The following SLC9A2 variants were observed in gnomAD, a reference collection of about 807,000 sequenced individuals.
SLC9A2 encodes the protein solute carrier family 9 member A2, also known as sodium/hydrogen exchanger 2.
SLC9A2 carries 42 observed loss-of-function variants against 71.7 expected under a neutral mutation model. The observed-to-expected ratio is 0.59, with a 90% CI of 0.46 to 0.76. The LOEUF (loss-of-function observed/expected upper bound fraction) is 0.76. Among genes scored for constraint, SLC9A2 ranks in the 30% least tolerant of loss-of-function variants. SLC9A2 has a pLI of 0.00. For missense variants in SLC9A2, 829 were observed against 1,017.4 expected, an observed-to-expected ratio of 0.81 and a Z score of 2.52; for synonymous variants, 396 against 392.5, an observed-to-expected ratio of 1.01 and a Z score of -0.10.
At position 102,654,697 on chromosome 2, in the gene SLC9A2, C is replaced by T. The variant is rs577903368; in HGVS notation, c.290-2867C>T. On this transcript the variant is annotated intron_variant, in intron 1 of 11. Coordinates refer to ENST00000233969, the MANE Select transcript of SLC9A2 (RefSeq NM_003048.6). The stretch of plus-strand genomic sequence containing the variant: ...AACAAAGGGGATACGTTCTGCAAAA[C>T]GCATCATTAGGCGATTTTGTCATTG... Among the ~76,000 whole-genome samples, 160 of 152,230 alleles carry T rather than the reference C, an allele frequency of 1.1e-3. 1 individual carries two copies. The highest frequency in any genetic ancestry group is 3.3e-3 in the African/African-American group (135 of 41,520).
intron 3 of SLC9A2, among the ~76,000 whole-genome samples, chr2:102,678,493 A>G (rs977141671): frequency 6.6e-6 from 1 of 152,206 alleles, no homozygotes; most frequent in Admixed American, 6.5e-5. Context: ...TCTATAATAT[A>G]AAGAATCTAT....
At chr2:102,652,700 C>T (rs1227540402) in intron 1 of SLC9A2, among the ~76,000 whole-genome samples, 3 of 152,136 alleles carry the variant, frequency 2.0e-5, no homozygotes, top group African/African-American at 7.2e-5. Context: ...TCTTGGCCAA[C>T]CACTGGACTA....
At position 102,620,014 on chromosome 2, in the gene SLC9A2, G is replaced by A; in HGVS notation, c.166G>A (p.Val56Met). 6.2e-7 allele frequency: 1 copy of A among 1,614,136 alleles called. No homozygotes were observed. Among genetic ancestry groups the A allele is most frequent in the Non-Finnish European group, 8.5e-7 (1 of 1,180,024 alleles). Residue 56 changes from valine to methionine, a missense_variant, in exon 1 of 12, where the codon GTG becomes ATG. Around this residue, in one of 3 missense-constraint regions of SLC9A2, gnomAD observed 106 missense variants for 93.5 expected, o/e 1.13. Transcript: ENST00000233969. ...SSSPPSPASVVAPGTTLFEES... is the reference protein window; with the variant it reads ...SSSPPSPASVMAPGTTLFEES... ...CAGCCCGCCTAGCCCTGCGAGCGTGGTGGCTCCCGGAACGACGCTGTTCGA... is the reference window on the plus strand; with the variant it reads ...CAGCCCGCCTAGCCCTGCGAGCGTGATGGCTCCCGGAACGACGCTGTTCGA...
At chr2:102,648,258 T>C (rs968443374) in intron 1 of SLC9A2, among the ~76,000 whole-genome samples, 1 of 152,122 alleles carries the variant, frequency 6.6e-6, no homozygotes, top group Non-Finnish European at 1.5e-5. Context: ...ATTATCTAAA[T>C]AGATGCAGAA....
At chr2:102,638,679 T>A (rs1243613596) in intron 1 of SLC9A2, among the ~76,000 whole-genome samples, 1 of 152,204 alleles carries the variant, frequency 6.6e-6, no homozygotes, top group African/African-American at 2.4e-5. Context: ...TGATCAAGTG[T>A]GGAGATGCAC....
chr2:102,647,541 AGTC>A (rs1676750787), intron 1 of SLC9A2, among the ~76,000 whole-genome samples: 2 of 152,180 alleles, frequency 1.3e-5, no homozygotes, highest in Non-Finnish European at 2.9e-5. Context: ...CCTTCAAAAA[AGTC>A]AGTGAATCCA....
intron 1 of SLC9A2, among the ~76,000 whole-genome samples, chr2:102,648,999 G>A (rs1376119605): frequency 6.6e-6 from 1 of 151,774 alleles, no homozygotes; most frequent in Non-Finnish European, 1.5e-5. Context: ...ATTTCATATG[G>A]AAACAAAAAA....
intron 9 of SLC9A2, among the ~76,000 whole-genome samples, 166 bp from the exon 10 acceptor site, chr2:102,704,378 T>C (rs920899839): frequency 2.0e-5 from 3 of 152,172 alleles, no homozygotes; most frequent in African/African-American, 7.2e-5. Context: ...ATCTGAAGAC[T>C]GTTAACTTTT....
chr2:102,636,051 T>G (rs2104504525), intron 1 of SLC9A2, among the ~76,000 whole-genome samples: 1 of 152,280 alleles, frequency 6.6e-6, no homozygotes, highest in South Asian at 2.1e-4. Flanking sequence ...TGTTAGTAGG[T>G]TTGACCATTA....
At chr2:102,621,176 T>C (rs1676128997) in intron 1 of SLC9A2, among the ~76,000 whole-genome samples, 2 of 150,928 alleles carry the variant, frequency 1.3e-5, no homozygotes, top group Non-Finnish European at 3.0e-5. Flanking sequence ...ATCAATTAAT[T>C]AATTAATTAG....
chr2:102,669,515 A>C (rs1677204507), intron 3 of SLC9A2, among the ~76,000 whole-genome samples: 1 of 152,196 alleles, frequency 6.6e-6, no homozygotes, highest in African/African-American at 2.4e-5. Flanking sequence ...AGTAAAGGGA[A>C]AGTTTCCATA....
At chr2:102,658,862 G>A (rs1464185513) in intron 2 of SLC9A2, among the ~76,000 whole-genome samples, 1 of 152,040 alleles carries the variant, frequency 6.6e-6, no homozygotes, top group Non-Finnish European at 1.5e-5. Flanking sequence ...ATGCTCAATT[G>A]ATAAATCAGT....
intron 1 of SLC9A2, among the ~76,000 whole-genome samples, chr2:102,631,294 C>CTT (rs540069371): frequency 6.8e-6 from 1 of 147,014 alleles, no homozygotes; most frequent in African/African-American, 2.5e-5. Flanking sequence ...AGCATCTTTT[C>CTT]TTTTTTTTTT....
intron 6 of SLC9A2, among the ~76,000 whole-genome samples, chr2:102,694,734 C>A (rs1225725385): frequency 1.3e-5 from 2 of 152,076 alleles, no homozygotes; most frequent in African/African-American, 4.8e-5. Context: ...GACAAGAAGT[C>A]CCCTCTTCTT....
chr2:102,657,189 G>A (rs190177574), intron 1 of SLC9A2, among the ~76,000 whole-genome samples: 1 of 150,050 alleles, frequency 6.7e-6, no homozygotes, highest in Admixed American at 6.6e-5. Flanking sequence ...CCAGGTGACA[G>A]AGCAAGACTC....
At position 102,684,246 on chromosome 2, in the gene SLC9A2, A is replaced by C; in HGVS notation, c.1335A>C (p.Leu445Phe). 1.2e-6 allele frequency: 2 copies of C among 1,614,058 alleles called. No individual in the cohort carries two copies. The highest frequency in any genetic ancestry group is 1.7e-6 in the Non-Finnish European group (2 of 1,179,980). ...TTCGAGGTGCCATCTGTTTTGCGTTAGTGTTTCTCCTTCCTGCTGCTGTGT... is the reference window on the plus strand; with the variant it reads ...TTCGAGGTGCCATCTGTTTTGCGTTCGTGTTTCTCCTTCCTGCTGCTGTGT... ...GGLRGAICFA[L>F]VFLLPAAVFP... The change falls in exon 5 of 12, where the codon TTA (leucine) becomes TTC (phenylalanine). Residue 445 changes from leucine to phenylalanine, a missense_variant. Transcript: ENST00000233969.
At chr2:102,701,331 A>T in intron 8 of SLC9A2, 100 bp downstream of exon 8, 1 of 941,840 alleles carries the variant, frequency 1.1e-6, no homozygotes, top group Non-Finnish European at 1.6e-6. Flanking sequence ...TTATTAATTG[A>T]TCCGCCCCCC....
chr2:102,624,391 G>C (rs1380923939), intron 1 of SLC9A2, among the ~76,000 whole-genome samples: 3 of 152,072 alleles, frequency 2.0e-5, no homozygotes, highest in Admixed American at 6.5e-5. Flanking sequence ...TAGAGAGATG[G>C]GGTTCTACGA....
At chr2:102,633,744 A>T (rs1676416854) in intron 1 of SLC9A2, among the ~76,000 whole-genome samples, 1 of 152,188 alleles carries the variant, frequency 6.6e-6, no homozygotes, top group Non-Finnish European at 1.5e-5. Flanking sequence ...TGATGCACAG[A>T]ATACAGAATT....
Sources: allele counts gnomAD v4.1 joint callset (sites outside exome capture counted in the v4.1 genomes callset), GRCh38; gene constraint gnomAD v4.1.1; regional missense constraint gnomAD v4.1.1; transcripts MANE v1.5; gene names NCBI Gene and HGNC (gene_info 2026-07-23, HGNC 2026-07-21).